Variants in MBP observed in about 807,000 individuals in gnomAD.
The protein encoded by MBP is myelin basic protein, also known as Golli-MBP.
MBP carries 16 observed loss-of-function variants against 35.8 expected under a neutral mutation model. The observed-to-expected ratio is 0.45, with a 90% CI of 0.30 to 0.68. The LOEUF (loss-of-function observed/expected upper bound fraction) is 0.68, where lower values mean the gene tolerates loss of function less well. Among genes scored for constraint, MBP ranks in the 30% least tolerant of loss-of-function variants. The pLI is 0.08. For missense variants in MBP, 380 were observed against 404.7 expected (o/e 0.94, Z 0.52); for synonymous variants, 143 against 159.6 (o/e 0.90, Z 0.78).
chr18:76,988,575 A>G lies in MBP; in HGVS notation c.718-48T>C. 6.3e-7 allele frequency: 1 copy of G among 1,587,988 alleles called. No individual in the cohort carries two copies. The highest frequency in any genetic ancestry group is 1.2e-5 in the South Asian group (1 of 86,840). On this transcript the variant is annotated intron_variant, in intron 6 of 8. Transcript: ENST00000355994. This position sits in a 1 kb window ranked among gnomAD's most constrained non-coding sequence, Gnocchi z 5.2. ...TAATGACATGGTGGTCAGTGAAGGG[A>G]AAGTCCTTTCAATCAACAGGAAACA...
In MBP at chr18:76,989,177, T is replaced by C. The variant is rs944849120; in HGVS notation, c.682-265A>G. The C allele has an allele frequency of 3.2e-5, 21 of 650,772 alleles. No individual in the cohort carries two copies. Among genetic ancestry groups the C allele is most frequent in the African/African-American group, 3.2e-4 (18 of 56,054 alleles). The allele number at this position is 650,772 out of a possible 1,614,324, so 40.3% of individuals were successfully genotyped here. A position where few individuals can be genotyped will look rare whatever the true frequency, so the allele number is the denominator to read the frequency against. On this transcript the variant is annotated intron_variant, in intron 5 of 8. Transcript: ENST00000355994. The surrounding 1 kb of genome is among the most constrained non-coding windows in gnomAD (Gnocchi z 4.0). ...TCCCAGAGGCTCCGTAGCTGGGGAA[T>C]GGGCCCATCTTGGGACACTGAGGGA... is the stretch of plus-strand genomic sequence containing the variant.
At chr18:76,987,035 A>G (rs1186928581) in intron 7 of MBP, 7 of 985,342 alleles carry the variant, frequency 7.1e-6, no homozygotes, top group Non-Finnish European at 8.4e-6. Context: ...GCTTTGGAAA[A>G]AAGAGAAATT....
At chr18:77,129,752 A>G (rs575325777) in intron 1 of MBP, among the ~76,000 whole-genome samples, 1 of 152,286 alleles carries the variant, frequency 6.6e-6, no homozygotes, top group African/African-American at 2.4e-5. Context: ...ATTAGAGGCC[A>G]GGCGCGGTGG....
chr18:77,013,037 CAGA>C, intron 4 of MBP: 1 of 985,476 alleles, frequency 1.0e-6, no homozygotes. Flanking sequence ...CCTGAGACCA[CAGA>C]AGGACACAGT....
intron 4 of MBP, among the ~76,000 whole-genome samples, chr18:76,997,764 G>C (rs1045544092): frequency 6.5e-4 from 98 of 150,874 alleles, no homozygotes; most frequent in Non-Finnish European, 1.2e-3. Context: ...CTCACTGCAA[G>C]CTCCGCCTCC....
Position 77,044,942 on chromosome 18 carries a change from A to AGT in MBP, c.139+21354_139+21355dup, listed in dbSNP as rs749744681. On this transcript the variant is annotated intron_variant, in intron 3 of 8. Coordinates refer to ENST00000355994, the MANE Select transcript of MBP (RefSeq NM_001025101.2). The surrounding 1 kb of genome is among the most constrained non-coding windows in gnomAD (Gnocchi z 4.4). ...AAATGTGAGTCTGTGAGAGAACATG[A>AGT]GTGTGTGTGTGTAAGTGTGGTGTGT... Among the ~76,000 whole-genome samples, 1 of 125,020 alleles carries AGT rather than the reference A, an allele frequency of 8.0e-6. No individual in the cohort carries two copies. The highest frequency in any genetic ancestry group is 1.7e-5 in the Non-Finnish European group (1 of 57,940). 82.0% of individuals were successfully genotyped at this position (125,020 alleles called of 152,430 possible).
At chr18:77,074,499 G>C (rs772668490) in intron 2 of MBP, among the ~76,000 whole-genome samples, 1 of 152,198 alleles carries the variant, frequency 6.6e-6, no homozygotes, top group African/African-American at 2.4e-5. Flanking sequence ...CTATAAGCCT[G>C]TGATATGGAA....
intron 3 of MBP, among the ~76,000 whole-genome samples, chr18:77,025,569 C>A (rs1167504653): frequency 6.6e-6 from 1 of 152,174 alleles, no homozygotes; most frequent in Non-Finnish European, 1.5e-5. Flanking sequence ...CACCGTGCAA[C>A]GGCTCCAGGC....
intron 3 of MBP, among the ~76,000 whole-genome samples, chr18:77,033,849 T>C (rs1972641417): frequency 6.6e-6 from 1 of 151,492 alleles, no homozygotes; most frequent in African/African-American, 2.4e-5. Context: ...CATCCATCCA[T>C]CCATCCACAT....
At position 76,988,022 on chromosome 18, in the gene MBP, G is replaced by A. The variant is rs1969654992; in HGVS notation, c.750+473C>T. The A allele has an allele frequency of 3.7e-6, 5 of 1,355,646 alleles. No homozygotes were observed. Among genetic ancestry groups the A allele is most frequent in the African/African-American group, 2.9e-5 (2 of 68,170 alleles). The allele number at this position is 1,355,646 out of a possible 1,614,324, so 84.0% of individuals were successfully genotyped here. ...TGGATTAATGAGGTTATTATAAATC[G>A]AGCAACTCTATTTAGCCTCTTTTTC... On this transcript the variant is annotated intron_variant, in intron 7 of 8. Transcript: ENST00000355994. The surrounding 1 kb of genome is among the most constrained non-coding windows in gnomAD (Gnocchi z 5.2).
At chr18:77,016,795 C>T (rs1021483860) in intron 4 of MBP, 37 bp downstream of exon 4, 3 of 1,603,872 alleles carry the variant, frequency 1.9e-6, no homozygotes, top group East Asian at 2.2e-5. Flanking sequence ...TTGCTTTTTC[C>T]ATTTAAACTA....
At chr18:77,068,599 T>A (rs949222107) in intron 2 of MBP, among the ~76,000 whole-genome samples, 1 of 152,196 alleles carries the variant, frequency 6.6e-6, no homozygotes, top group African/African-American at 2.4e-5. Flanking sequence ...AGCAGCCAAT[T>A]AAGGTGTTCA....
chr18:77,033,793 T>TCCATCCATCCATCCATCCAC (rs56663795), intron 3 of MBP, among the ~76,000 whole-genome samples: 91 of 143,744 alleles, frequency 6.3e-4, no homozygotes, highest in Admixed American at 3.4e-3. Context: ...CATCCATCCA[T>TCCATCCATCCATCCATCCAC]CCACCCACTC....
chr18:77,078,317 G>C (rs977323106), intron 2 of MBP, among the ~76,000 whole-genome samples: 1 of 152,130 alleles, frequency 6.6e-6, no homozygotes, highest in Non-Finnish European at 1.5e-5. Context: ...CAACCGCCAC[G>C]TTCCCTCCCT....
chr18:77,069,035 C>A, intron 2 of MBP: 1 of 480,576 alleles, frequency 2.1e-6, no homozygotes, highest in Non-Finnish European at 4.2e-6. Flanking sequence ...GTGACTTCTG[C>A]GGATTTTCCT....
intron 7 of MBP, chr18:76,985,100 CAGAG>C (rs1969469977): frequency 6.6e-7 from 1 of 1,525,412 alleles, no homozygotes; most frequent in Non-Finnish European, 8.8e-7. Context: ...GTGTTGGCCG[CAGAG>C]AGAGGAGGGC....
intron 2 of MBP, among the ~76,000 whole-genome samples, chr18:77,086,429 T>C (rs1183592937): frequency 6.6e-6 from 1 of 152,248 alleles, no homozygotes; most frequent in Non-Finnish European, 1.5e-5. Context: ...TGGAGAAATG[T>C]TGTTTTTCAG....
chr18:77,090,220 T>C (rs1975446759), intron 2 of MBP, among the ~76,000 whole-genome samples: 1 of 152,192 alleles, frequency 6.6e-6, no homozygotes, highest in Non-Finnish European at 1.5e-5. Flanking sequence ...GAGACAAACG[T>C]GCTTTCCTCC....
chr18:76,999,157 G>C (rs978435365), intron 4 of MBP, among the ~76,000 whole-genome samples: 2 of 152,106 alleles, frequency 1.3e-5, no homozygotes, highest in African/African-American at 2.4e-5. Flanking sequence ...AAGAAACAAC[G>C]GGAGGAGGTG....
Sources: gnomAD v4.1 joint callset for allele counts (sites outside exome capture counted in the v4.1 genomes callset) on GRCh38, gnomAD v4.1.1 for gene constraint, Gnocchi (gnomAD v3.1) non-coding constraint, MANE v1.5 for transcripts, NCBI Gene and HGNC (gene_info 2026-07-23, HGNC 2026-07-21) for gene names.